Variants in DLG2 observed in about 807,000 individuals in gnomAD.
DLG2 encodes the protein discs large MAGUK scaffold protein 2.
DLG2 carries 45 observed loss-of-function variants against 132.5 expected under a neutral mutation model. That is an observed-to-expected ratio of 0.34 (90% CI 0.27 to 0.44). The LOEUF (loss-of-function observed/expected upper bound fraction) is 0.44, where lower values mean the gene tolerates loss of function less well. DLG2 is among the 20% of genes least tolerant of loss of function. DLG2 has a pLI of 1.00. For missense variants in DLG2, 1,045 were observed against 1,196.9 expected (o/e 0.87, Z 1.87); for synonymous variants, 424 against 419.6 (o/e 1.01, Z -0.13).
intron 11 of DLG2, among the ~76,000 whole-genome samples, chr11:84,015,666 G>A (rs1053191532): frequency 3.2e-4 from 49 of 152,040 alleles, no homozygotes; most frequent in African/African-American, 1.2e-3. Flanking sequence ...TTAGTTTGCT[G>A]AAAATAATGG....
chr11:83,994,524 T>C (rs1433793551), intron 11 of DLG2, among the ~76,000 whole-genome samples: 1 of 152,122 alleles, frequency 6.6e-6, no homozygotes, highest in Non-Finnish European at 1.5e-5. Context: ...TGAGCACCAC[T>C]GTACCCAGCT....
At chr11:85,351,684 T>C (rs1236272499) in intron 3 of DLG2, among the ~76,000 whole-genome samples, 1 of 152,226 alleles carries the variant, frequency 6.6e-6, no homozygotes, top group Non-Finnish European at 1.5e-5. Flanking sequence ...TTTTCGTTGT[T>C]GGTTCTGTTT....
At chr11:85,029,605 G>A (rs2060839689) in intron 6 of DLG2, among the ~76,000 whole-genome samples, 3 of 152,186 alleles carry the variant, frequency 2.0e-5, no homozygotes, top group Non-Finnish European at 4.4e-5. Flanking sequence ...GAACAGTGCA[G>A]GTGACATAGA....
chr11:84,014,456 T>A (rs543136891), intron 11 of DLG2, among the ~76,000 whole-genome samples: 1 of 152,306 alleles, frequency 6.6e-6, no homozygotes, highest in South Asian at 2.1e-4. Context: ...TAATATACAT[T>A]AATGTTTTAA....
intron 18 of DLG2, among the ~76,000 whole-genome samples, chr11:83,751,967 A>G (rs563269434): frequency 4.5e-4 from 69 of 152,318 alleles, no homozygotes; most frequent in Non-Finnish European, 6.5e-4. Flanking sequence ...GAGTAGGTAG[A>G]GATAAAAAAG....
At chr11:83,605,445 A>G (rs2059205875) in intron 19 of DLG2, among the ~76,000 whole-genome samples, 1 of 152,240 alleles carries the variant, frequency 6.6e-6, no homozygotes, top group South Asian at 2.1e-4. Flanking sequence ...ACTAATTTCT[A>G]AAGCAGTGGG....
intron 6 of DLG2, among the ~76,000 whole-genome samples, chr11:84,539,776 T>C (rs568322562): frequency 9.8e-5 from 15 of 152,304 alleles, no homozygotes; most frequent in Admixed American, 9.8e-4. Context: ...AGAACAAAGC[T>C]GGAGGCATCA....
intron 13 of DLG2, 30 bp from the exon 14 acceptor site, chr11:83,963,053 A>G: frequency 6.2e-7 from 1 of 1,608,092 alleles, no homozygotes; most frequent in Non-Finnish European, 8.5e-7. Context: ...GAGAAAAGAA[A>G]CCTGTTATGT....
At chr11:85,084,285 A>G (rs117476062) in intron 6 of DLG2, among the ~76,000 whole-genome samples, 4 of 152,264 alleles carry the variant, frequency 2.6e-5, no homozygotes, top group Non-Finnish European at 5.9e-5. Flanking sequence ...CACACGAGGT[A>G]TGGGAAGTGA....
intron 16 of DLG2, among the ~76,000 whole-genome samples, chr11:83,845,643 C>A (rs1468709051): frequency 6.6e-6 from 1 of 152,144 alleles, no homozygotes; most frequent in Non-Finnish European, 1.5e-5. Flanking sequence ...AAAATAATAA[C>A]CACACTGATA....
intron 6 of DLG2, among the ~76,000 whole-genome samples, chr11:84,746,460 C>T (rs1288519261): frequency 6.8e-6 from 1 of 148,020 alleles, no homozygotes; most frequent in African/African-American, 2.5e-5. Flanking sequence ...AAAAAAAGGA[C>T]AGGATTTTAA....
At position 83,874,421 on chromosome 11, in the gene DLG2, C is replaced by A. The variant is rs371943145; in HGVS notation, c.1564G>T (p.Gly522Ter). Reference sequence around the variant, plus strand: ...AGAGGTTCTGTATTATTATCTTACCCTTCCAGGGAGACGGCCCGTTGGAGA... The same window carrying A: ...AGAGGTTCTGTATTATTATCTTACCATTCCAGGGAGACGGCCCGTTGGAGA... ...MTLQRAVSLE[G>*]EPRKVVLHKG... The change falls in exon 16 of 28, where the codon GGA becomes TGA. Residue 522 changes from glycine (G) to a stop codon, truncating the protein, a stop_gained and splice_region_variant. Transcript: ENST00000376104. LOFTEE classifies it high-confidence loss of function. The A allele has an allele frequency of 6.3e-7, 1 of 1,596,760 alleles. No individual in the cohort carries two copies. The highest frequency in any genetic ancestry group is 8.6e-7 in the Non-Finnish European group (1 of 1,169,448).
At chr11:84,426,120 G>A (rs2098965740) in intron 7 of DLG2, among the ~76,000 whole-genome samples, 2 of 152,052 alleles carry the variant, frequency 1.3e-5, no homozygotes, top group Admixed American at 1.3e-4. Context: ...AACTTAGCAG[G>A]TACTGTTTAC....
chr11:85,161,794 G>C (rs939865540), intron 4 of DLG2, among the ~76,000 whole-genome samples: 2 of 152,134 alleles, frequency 1.3e-5, no homozygotes, highest in Non-Finnish European at 2.9e-5. Flanking sequence ...ACACCAACAA[G>C]GTGACAATAC....
chr11:84,078,655 CCACCTATGTACTCCTAGAGGTA>C (rs1347982433), intron 10 of DLG2, among the ~76,000 whole-genome samples: 1 of 152,138 alleles, frequency 6.6e-6, no homozygotes, highest in Non-Finnish European at 1.5e-5. Flanking sequence ...TGACATAAAT[CCACCTATGTACTCCTAGAGGTA>C]CACCTTACTC....
chr11:84,410,889 A>C (rs2098898655), intron 7 of DLG2, among the ~76,000 whole-genome samples: 3 of 152,106 alleles, frequency 2.0e-5, no homozygotes, highest in Non-Finnish European at 4.4e-5. Context: ...CAAGTTAATA[A>C]ATTTTTAAGA....
intron 18 of DLG2, among the ~76,000 whole-genome samples, chr11:83,636,901 T>C (rs1004042388): frequency 4.6e-5 from 7 of 152,174 alleles, no homozygotes; most frequent in Non-Finnish European, 8.8e-5. Flanking sequence ...TTGACAGTCA[T>C]CTCAATGTAA....
intron 21 of DLG2, among the ~76,000 whole-genome samples, chr11:83,488,305 T>C (rs1274139935): frequency 6.6e-6 from 1 of 151,996 alleles, no homozygotes; most frequent in East Asian, 1.9e-4. Flanking sequence ...ATACCTTTCA[T>C]GTTGTGACAG....
intron 20 of DLG2, among the ~76,000 whole-genome samples, chr11:83,534,531 G>A (rs549706899): frequency 4.2e-4 from 64 of 152,310 alleles, no homozygotes; most frequent in African/African-American, 1.5e-3. Context: ...GAAGATCAGG[G>A]TTTCTATAGT....
Sources: allele counts gnomAD v4.1 joint callset (sites outside exome capture counted in the v4.1 genomes callset), GRCh38; gene constraint gnomAD v4.1.1; transcripts MANE v1.5; gene names NCBI Gene and HGNC (gene_info 2026-07-23, HGNC 2026-07-21).